The following FBXO10 variants were observed in gnomAD, a reference collection of about 807,000 sequenced individuals.
FBXO10 encodes F-box protein 10.
FBXO10 carries 39 observed loss-of-function variants against 80.7 expected under a neutral mutation model. The ratio of observed to expected loss-of-function variants is 0.48; its 90% confidence interval spans 0.37 to 0.63. The LOEUF (loss-of-function observed/expected upper bound fraction) is 0.63. Among genes scored for constraint, FBXO10 ranks in the 30% least tolerant of loss-of-function variants. FBXO10 has a pLI of 0.00. For synonymous variants in FBXO10, 449 were observed against 489.6 expected (o/e 0.92, Z 1.09); for missense variants, 1,025 against 1,269.0 (o/e 0.81, Z 2.92).
intron 1 of FBXO10, among the ~76,000 whole-genome samples, chr9:37,565,403 G>T (rs972027018): frequency 6.6e-6 from 1 of 152,152 alleles, no homozygotes; most frequent in African/African-American, 2.4e-5. Flanking sequence ...AACAGCAGCA[G>T]GTAGCTTTTA....
chr9:37,570,274 A>G (rs142556955), intron 1 of FBXO10, among the ~76,000 whole-genome samples: 8,882 of 152,140 alleles, frequency 0.058, 328 homozygotes, highest in South Asian at 0.17. Context: ...AGATTGTGCC[A>G]TTGCACTCCA....
At chr9:37,558,164 G>A (rs1439367587) in intron 1 of FBXO10, among the ~76,000 whole-genome samples, 1 of 152,082 alleles carries the variant, frequency 6.6e-6, no homozygotes, top group African/African-American at 2.4e-5. Flanking sequence ...TTCTACAAGG[G>A]GCAACTCTGA....
At chr9:37,568,707 G>A (rs903480109) in intron 1 of FBXO10, among the ~76,000 whole-genome samples, 1 of 151,994 alleles carries the variant, frequency 6.6e-6, no homozygotes, top group South Asian at 2.1e-4. Context: ...GTCTAAGGTC[G>A]GAGTTCATGT....
At chr9:37,550,069 A>G (rs918739231) in intron 1 of FBXO10, among the ~76,000 whole-genome samples, 1 of 150,852 alleles carries the variant, frequency 6.6e-6, no homozygotes, top group African/African-American at 2.4e-5. Context: ...TTATAATTCT[A>G]TTCATCCACT....
At chr9:37,541,116 A>C (rs923105431) in intron 2 of FBXO10, 68 bp downstream of exon 2, 54 of 1,377,216 alleles carry the variant, frequency 3.9e-5, no homozygotes, top group Non-Finnish European at 5.2e-5. Context: ...AGGGATTAAA[A>C]GCCCAGAAAA....
intron 1 of FBXO10, among the ~76,000 whole-genome samples, chr9:37,542,957 A>G (rs12337272): frequency 0.26 from 38,854 of 152,064 alleles, 6,542 homozygotes; most frequent in African/African-American, 0.49. Context: ...TACACTCTCA[A>G]GGAAGAGACC....
At chr9:37,542,464 G>A (rs546386705) in intron 1 of FBXO10, among the ~76,000 whole-genome samples, 3 of 152,004 alleles carry the variant, frequency 2.0e-5, no homozygotes, top group East Asian at 2.0e-4. Flanking sequence ...GCATGGTGGT[G>A]CATGCCTGTA....
At chr9:37,556,613 G>A (rs181698791) in intron 1 of FBXO10, among the ~76,000 whole-genome samples, 15 of 136,424 alleles carry the variant, frequency 1.1e-4, no homozygotes, top group African/African-American at 3.9e-4. Flanking sequence ...GCACAATCTC[G>A]GCTCACTGCA....
At chr9:37,527,180 C>T (rs1424946379) in intron 5 of FBXO10, among the ~76,000 whole-genome samples, 6 of 152,164 alleles carry the variant, frequency 3.9e-5, no homozygotes, top group African/African-American at 1.4e-4. Context: ...CCCCTGCTTC[C>T]TTCTCATAAG....
chr9:37,557,115 A>C (rs571393003), intron 1 of FBXO10, among the ~76,000 whole-genome samples: 4 of 152,214 alleles, frequency 2.6e-5, no homozygotes, highest in Non-Finnish European at 5.9e-5. Context: ...GTGTCCATGC[A>C]CTATGAGAGT....
At position 37,541,349 on chromosome 9, in the gene FBXO10, C is replaced by T; in HGVS notation, c.420G>A (p.Val140=). 6.2e-7 allele frequency: 1 copy of T among 1,614,012 alleles called. No individual in the cohort carries two copies. Among genetic ancestry groups the T allele is most frequent in the African/African-American group, 1.3e-5 (1 of 75,066 alleles). The change falls in exon 2 of 11, where the codon GTG becomes GTA. Residue 140 remains valine, a synonymous_variant. Transcript: ENST00000432825. ...LYDRIVLFPG[V]YEEQGEIILK... ...AGATGATTTCACCTTGCTCTTCGTA[C>T]ACACCTGGGAAGAGCACAATTCGGT... is the stretch of plus-strand genomic sequence containing the variant.
chr9:37,561,387 T>C (rs1476068721), intron 1 of FBXO10, among the ~76,000 whole-genome samples: 2 of 151,974 alleles, frequency 1.3e-5, no homozygotes, highest in Admixed American at 6.6e-5. Flanking sequence ...GAACTCAGAG[T>C]TTCTGTGTAG....
chr9:37,542,010 G>T (rs954191683), intron 1 of FBXO10, among the ~76,000 whole-genome samples: 3 of 152,102 alleles, frequency 2.0e-5, no homozygotes, highest in Admixed American at 2.0e-4. Flanking sequence ...TGTATTTTTA[G>T]TAGAGACCAG....
chr9:37,518,786 G>A (rs1469406030), intron 8 of FBXO10, among the ~76,000 whole-genome samples: 4 of 152,136 alleles, frequency 2.6e-5, no homozygotes, highest in Admixed American at 2.6e-4. Flanking sequence ...CTGACGGGGT[G>A]CTCACTGCCG....
intron 3 of FBXO10, among the ~76,000 whole-genome samples, chr9:37,532,294 CTTTT>C (rs869146793): frequency 0.13 from 13,043 of 101,846 alleles, 616 homozygotes; most frequent in African/African-American, 0.2. Flanking sequence ...CACATTGGTT[CTTTT>C]TTTTTTTTTT....
intron 2 of FBXO10, among the ~76,000 whole-genome samples, chr9:37,540,300 G>A (rs895976828): frequency 2.6e-5 from 4 of 151,678 alleles, no homozygotes; most frequent in Non-Finnish European, 1.5e-5. Flanking sequence ...CGATTCTTTT[G>A]CCTCAGCCTC....
intron 8 of FBXO10, among the ~76,000 whole-genome samples, chr9:37,518,843 A>C (rs981435400): frequency 1.3e-5 from 2 of 151,922 alleles, no homozygotes; most frequent in Non-Finnish European, 2.9e-5. Context: ...TCTACTCATT[A>C]GAGGGTTTTG....
Position 37,518,148 on chromosome 9 carries a change from G to A in FBXO10, c.2491C>T (p.Leu831=), listed in dbSNP as rs1303523811. The A allele has an allele frequency of 1.9e-6, 3 of 1,613,682 alleles. No homozygotes were observed. The highest frequency in any genetic ancestry group is 3.3e-5 in the Admixed American group (2 of 60,002). The change falls in exon 9 of 11, where the codon CTG becomes TTG. Residue 831 remains leucine (L), a synonymous_variant. Transcript: ENST00000432825. Reference sequence around the variant, plus strand: ...ACTTTAGTGTCGGACCTGGGCAGCAGCTGCAGCCCGCTGCCCCGGTTGCCA... The same window carrying A: ...ACTTTAGTGTCGGACCTGGGCAGCAACTGCAGCCCGCTGCCCCGGTTGCCA... ...IIGNRGSGLQ[L]LPRSDTKVIK... is the part of the protein sequence containing the mutation.
At chr9:37,544,411 T>C (rs1461181385) in intron 1 of FBXO10, among the ~76,000 whole-genome samples, 2 of 151,876 alleles carry the variant, frequency 1.3e-5, no homozygotes, top group African/African-American at 2.4e-5. Context: ...CCAGCCTAGG[T>C]GACAGAGTGA....
Sources: allele counts gnomAD v4.1 joint callset (sites outside exome capture counted in the v4.1 genomes callset), GRCh38; gene constraint gnomAD v4.1.1; transcripts MANE v1.5; gene names NCBI Gene and HGNC (gene_info 2026-07-23, HGNC 2026-07-21).